RALGPS1: variants seen among roughly 807,000 people sequenced by gnomAD.
The protein encoded by RALGPS1 is ras-specific guanine nucleotide-releasing factor RalGPS1.
Under a neutral mutation model 78.8 loss-of-function variants are expected in RALGPS1, and 19 were observed. The ratio of observed to expected loss-of-function variants is 0.24; its 90% CI spans 0.17 to 0.35. RALGPS1 has a LOEUF of 0.35. Among genes scored for constraint, RALGPS1 ranks in the 10% least tolerant of loss-of-function variants. The probability of loss-of-function intolerance (pLI) is 1.00; values close to 1 mark genes in which losing one functional copy is unlikely to be tolerated. For missense variants in RALGPS1, 454 were observed against 688.3 expected, an observed-to-expected ratio of 0.66 and a Z score of 3.81; for synonymous variants, 228 against 256.3, an observed-to-expected ratio of 0.89 and a Z score of 1.06.
intron 8 of RALGPS1, 110 bp downstream of exon 8, chr9:127,069,466 A>G (rs2050003515): frequency 2.3e-6 from 3 of 1,279,970 alleles, no homozygotes; most frequent in Non-Finnish European, 3.2e-6. Flanking sequence ...TGGCCCGTAG[A>G]TAAAGAGGCA....
At chr9:127,169,770 TA>T (rs2059470737) in intron 10 of RALGPS1, among the ~76,000 whole-genome samples, 1 of 152,220 alleles carries the variant, frequency 6.6e-6, no homozygotes, top group African/African-American at 2.4e-5. Context: ...TTCAGCACGG[TA>T]TTTAATAAAT....
At chr9:126,975,997 T>C (rs1463684344) in intron 3 of RALGPS1, among the ~76,000 whole-genome samples, 1 of 152,208 alleles carries the variant, frequency 6.6e-6, no homozygotes, top group Admixed American at 6.5e-5. Context: ...TGTTTTCCTC[T>C]CCACTCTGCC....
intron 8 of RALGPS1, among the ~76,000 whole-genome samples, chr9:127,135,695 T>A (rs2057345448): frequency 6.6e-6 from 1 of 152,114 alleles, no homozygotes. Flanking sequence ...CAAGCCAGGC[T>A]CTGCTAGAGT....
chr9:126,924,940 A>G (rs538764473), intron 1 of RALGPS1, among the ~76,000 whole-genome samples: 1 of 152,158 alleles, frequency 6.6e-6, no homozygotes, highest in South Asian at 2.1e-4. Context: ...AGCCTGACCA[A>G]CGTGGAGAAA....
At chr9:127,174,259 A>G (rs1479215909) in intron 10 of RALGPS1, among the ~76,000 whole-genome samples, 1 of 151,078 alleles carries the variant, frequency 6.6e-6, no homozygotes, top group Non-Finnish European at 1.5e-5. Context: ...AAAAGAAAGA[A>G]AGAAAAAGAG....
chr9:126,999,992 A>C (rs2043140077), intron 4 of RALGPS1, among the ~76,000 whole-genome samples: 1 of 152,216 alleles, frequency 6.6e-6, no homozygotes, highest in Non-Finnish European at 1.5e-5. Flanking sequence ...ATTTATTCCC[A>C]TGAAGTTGTT....
chr9:127,082,242 G>C (rs914480526), intron 8 of RALGPS1, among the ~76,000 whole-genome samples: 2 of 152,218 alleles, frequency 1.3e-5, no homozygotes, highest in Non-Finnish European at 2.9e-5. Flanking sequence ...AGCAAAGCAG[G>C]GGGGCTGATG....
At chr9:127,007,698 C>G (rs917215797) in intron 4 of RALGPS1, among the ~76,000 whole-genome samples, 1 of 152,174 alleles carries the variant, frequency 6.6e-6, no homozygotes, top group South Asian at 2.1e-4. Flanking sequence ...ACTGAAAGAA[C>G]ACATTTCAGC....
At chr9:127,201,844 C>T (rs547482364) in intron 14 of RALGPS1, among the ~76,000 whole-genome samples, 4 of 152,372 alleles carry the variant, frequency 2.6e-5, no homozygotes, top group Admixed American at 2.6e-4. Flanking sequence ...AGCTTCCCCT[C>T]CTCGGAGACC....
rs1416658332 is a variant in RALGPS1 at position 127,220,788 on chromosome 9, C to T, written c.*2019C>T. 6.6e-6 allele frequency: 1 copy of T among 152,572 alleles called. No individual in the cohort carries two copies. The highest frequency in any genetic ancestry group is 1.9e-4 in the East Asian group (1 of 5,190). 9.5% of individuals were successfully genotyped at this position (152,572 alleles called of 1,614,324 possible). ...CCTATTTTCCTTGGGTTTTTCCACT[C>T]TGCAAACTGTCCTGGTTTTTCACAC... On this transcript the variant is annotated 3_prime_UTR_variant, in exon 19 of 19. Transcript: ENST00000259351.
intron 8 of RALGPS1, among the ~76,000 whole-genome samples, chr9:127,078,284 A>G (rs913760426): frequency 3.3e-5 from 5 of 152,130 alleles, no homozygotes; most frequent in African/African-American, 9.7e-5. Flanking sequence ...TACTTTTGCA[A>G]TCTCCGGATT....
intron 11 of RALGPS1, among the ~76,000 whole-genome samples, chr9:127,193,796 T>A (rs185669623): frequency 2.6e-5 from 4 of 152,226 alleles, no homozygotes; most frequent in Admixed American, 2.6e-4. Flanking sequence ...TGATCTGCTC[T>A]GCATTTGGTG....
chr9:127,179,749 A>G (rs1160070169), intron 11 of RALGPS1, among the ~76,000 whole-genome samples: 2 of 152,244 alleles, frequency 1.3e-5, no homozygotes, highest in Non-Finnish European at 2.9e-5. Context: ...GAAAGGAGGC[A>G]GTGGGAGCAA....
rs552240932 is a variant in RALGPS1 at position 127,183,949 on chromosome 9, G to A, written c.910+9167G>A. ...CCACCTCTGGCCAACACCCTGCCTG[G>A]ATGTGGCCCAGCTCCTCACGAGTAC... On this transcript the variant is annotated intron_variant, in intron 11 of 18. Coordinates refer to ENST00000259351, the MANE Select transcript of RALGPS1 (RefSeq NM_014636.3). This position sits in a 1 kb window ranked among gnomAD's most constrained non-coding sequence, Gnocchi z 4.0. The A allele has an allele frequency of 1.3e-6, 2 of 1,550,504 alleles. No individual in the cohort carries two copies. The highest frequency in any genetic ancestry group is 3.9e-5 in the Admixed American group (2 of 50,996).
rs1392225698 is a variant in RALGPS1, at chr9:126,952,654, A to AGTGTGTGTGTGT, written c.-65-9570_-65-9569insTGTGTGTGTGTG. ...GAGAGAGAGAGAGAGAGAGAGAGAG[A>AGTGTGTGTGTGT]GAGTGTGTGTGTGTGTGTGTGTGTG... On this transcript the variant is annotated intron_variant, in intron 1 of 18. Coordinates refer to ENST00000259351, the MANE Select transcript of RALGPS1 (RefSeq NM_014636.3). Among the ~76,000 whole-genome samples the AGTGTGTGTGTGT allele has an allele frequency of 2.2e-3, 305 of 138,038 alleles. 2 individuals are homozygous for AGTGTGTGTGTGT. Among genetic ancestry groups the AGTGTGTGTGTGT allele is most frequent in the South Asian group, 7.3e-3 (31 of 4,262 alleles). 90.6% of individuals were successfully genotyped at this position (138,038 alleles called of 152,430 possible). A position where few individuals can be genotyped will look rare whatever the true frequency, so the allele number is the denominator to read the frequency against.
At chr9:127,151,192 AG>A (rs1351129590) in intron 8 of RALGPS1, among the ~76,000 whole-genome samples, 1 of 147,914 alleles carries the variant, frequency 6.8e-6, no homozygotes, top group African/African-American at 2.4e-5. Context: ...CAAAAAAAAA[AG>A]AGAGAAAAAA....
chr9:127,008,140 C>CA lies in RALGPS1; in HGVS notation c.217-26276dup, dbSNP rs5900742. 1.4e-3 allele frequency among the ~76,000 whole-genome samples: 180 copies of CA among 124,390 alleles called. 1 individual carries two copies. The highest frequency in any genetic ancestry group is 8.5e-3 in the Middle Eastern group (2 of 236). The allele number at this position is 124,390 out of a possible 152,430, so 81.6% of individuals were successfully genotyped here. On this transcript the variant is annotated intron_variant, in intron 4 of 18. Coordinates refer to ENST00000259351, the MANE Select transcript of RALGPS1 (RefSeq NM_014636.3). ...TGGTCTGGTCAATTGGGAGACTGGT[C>CA]AAAAAAAAAAAAAAATGATGTGGGG...
intron 4 of RALGPS1, among the ~76,000 whole-genome samples, chr9:127,009,190 G>A (rs1251256947): frequency 6.6e-6 from 1 of 152,148 alleles, no homozygotes; most frequent in African/African-American, 2.4e-5. Flanking sequence ...GCTTTAATAG[G>A]CACTATAGGC....
At chr9:126,992,119 G>A (rs1041271180) in intron 4 of RALGPS1, among the ~76,000 whole-genome samples, 1 of 152,214 alleles carries the variant, frequency 6.6e-6, no homozygotes, top group Admixed American at 6.5e-5. Context: ...GAGAGAGAAG[G>A]ACCTGGATTT....
Sources: allele counts gnomAD v4.1 joint callset (sites outside exome capture counted in the v4.1 genomes callset), GRCh38; gene constraint gnomAD v4.1.1; non-coding constraint Gnocchi (gnomAD v3.1); transcripts MANE v1.5; gene names NCBI Gene and HGNC (gene_info 2026-07-23, HGNC 2026-07-21).